Variants in DDHD1 observed in about 807,000 individuals in gnomAD.
DDHD1 encodes the protein phospholipase DDHD1.
DDHD1 carries 49 observed loss-of-function variants against 96.4 expected under a neutral mutation model. That is an observed-to-expected ratio of 0.51 (90% CI 0.40 to 0.64). DDHD1 has a LOEUF of 0.64. Ranked by LOEUF, DDHD1 falls within the 30% of genes least tolerant of loss-of-function variation. The pLI is 0.00. For missense variants in DDHD1, 1,106 were observed against 1,161.2 expected, an observed-to-expected ratio of 0.95 and a Z score of 0.69; for synonymous variants, 442 against 446.5, an observed-to-expected ratio of 0.99 and a Z score of 0.13.
chr14:53,135,658 T>C (rs979498797), intron 1 of DDHD1, among the ~76,000 whole-genome samples: 3 of 152,332 alleles, frequency 2.0e-5, no homozygotes, highest in Admixed American at 6.5e-5. Flanking sequence ...ACATAGGATA[T>C]GTAAGCACTG....
intron 1 of DDHD1, among the ~76,000 whole-genome samples, chr14:53,112,431 G>A (rs953622735): frequency 1.3e-4 from 19 of 150,948 alleles, no homozygotes; most frequent in Non-Finnish European, 2.2e-4. Context: ...AAAAAAAAAA[G>A]TTACACAGTT....
intron 3 of DDHD1, 149 bp from the exon 4 acceptor site, chr14:53,092,081 A>G (rs1886476760): frequency 6.2e-6 from 4 of 649,510 alleles, no homozygotes; most frequent in African/African-American, 1.8e-5. Flanking sequence ...AAGAAGGTAT[A>G]TATTGATCAG....
rs1247457932 is a variant in DDHD1, at chr14:53,039,675, T to C, written c.*7093A>G. ...ATTTAAAGGCAAATGGAATGTAGTT[T>C]GCTGTAACAAAAATATAGTTTGATT... On this transcript the variant is annotated 3_prime_UTR_variant, in exon 13 of 13. Coordinates refer to ENST00000673822, the MANE Select transcript of DDHD1 (RefSeq NM_001160148.2). The C allele has an allele frequency of 6.6e-6, 1 of 152,302 alleles. No individual in the cohort carries two copies. Among genetic ancestry groups the C allele is most frequent in the East Asian group, 1.9e-4 (1 of 5,196 alleles). 9.4% of individuals were successfully genotyped at this position (152,302 alleles called of 1,614,324 possible). A position where few individuals can be genotyped will look rare whatever the true frequency, so the allele number is the denominator to read the frequency against.
At chr14:53,083,551 G>A (rs1885679321) in intron 4 of DDHD1, among the ~76,000 whole-genome samples, 1 of 152,166 alleles carries the variant, frequency 6.6e-6, no homozygotes. Context: ...CTAATCATTA[G>A]CAAGTTTGCT....
At chr14:53,066,498 T>C (rs555750353) in intron 6 of DDHD1, among the ~76,000 whole-genome samples, 2 of 152,300 alleles carry the variant, frequency 1.3e-5, no homozygotes, top group South Asian at 2.1e-4. Flanking sequence ...AAAAAGGCTC[T>C]TTCAAATGCC....
intron 1 of DDHD1, among the ~76,000 whole-genome samples, chr14:53,138,977 C>G (rs561631312): frequency 6.6e-6 from 1 of 151,932 alleles, no homozygotes; most frequent in South Asian, 2.1e-4. Context: ...TTGTCTAGAT[C>G]CTTACTCCCT....
chr14:53,092,955 A>G (rs896350980), intron 3 of DDHD1: 1 of 159,590 alleles, frequency 6.3e-6, no homozygotes, highest in Non-Finnish European at 1.4e-5. Context: ...CTGCCCCATC[A>G]ATCCATCTAA....
intron 4 of DDHD1, among the ~76,000 whole-genome samples, chr14:53,080,366 CA>C (rs202225135): frequency 1.3e-5 from 2 of 149,638 alleles, no homozygotes; most frequent in African/African-American, 4.9e-5. Context: ...CTCCAAAAAA[CA>C]AAAAAAAAGA....
intron 2 of DDHD1, among the ~76,000 whole-genome samples, chr14:53,101,936 C>T (rs2139715974): frequency 6.6e-6 from 1 of 151,770 alleles, no homozygotes; most frequent in East Asian, 1.9e-4. Flanking sequence ...AAGTTCTGAA[C>T]ACAGAATGAG....
intron 9 of DDHD1, among the ~76,000 whole-genome samples, chr14:53,057,234 C>T (rs1187637623): frequency 6.6e-6 from 1 of 151,996 alleles, no homozygotes; most frequent in Non-Finnish European, 1.5e-5. Flanking sequence ...AAAGACTTTC[C>T]ACAATTATAT....
chr14:53,135,463 C>T (rs144304257), intron 1 of DDHD1, among the ~76,000 whole-genome samples: 44 of 152,370 alleles, frequency 2.9e-4, no homozygotes, highest in African/African-American at 1.0e-3. Context: ...CATTTTCAGA[C>T]TCAGCCCAAC....
At chr14:53,093,199 A>G in intron 3 of DDHD1, 117 bp downstream of exon 3, 1 of 1,051,044 alleles carries the variant, frequency 9.5e-7, no homozygotes, top group Non-Finnish European at 1.3e-6. Flanking sequence ...GGAATCTGTC[A>G]CTAAATTTAA....
Position 53,058,555 on chromosome 14 carries a change from A to G in DDHD1, c.1914T>C (p.Asn638=), listed in dbSNP as rs747934423. ...GCAAAATATGGTCTTGACTTCCAGT[A>G]TTTCCTGGGCGGATGCCACGCAACG... ...FLALRGIRPG[N]TGSQDHILPR... The change falls in exon 9 of 13, where the codon AAT becomes AAC. Residue 638 remains asparagine, a synonymous_variant. Transcript: ENST00000673822. 6.2e-7 allele frequency: 1 copy of G among 1,613,776 alleles called. No individual in the cohort carries two copies. The highest frequency in any genetic ancestry group is 8.5e-7 in the Non-Finnish European group (1 of 1,179,874).
intron 1 of DDHD1, among the ~76,000 whole-genome samples, chr14:53,126,106 C>T (rs1223573276): frequency 1.3e-5 from 2 of 152,182 alleles, no homozygotes; most frequent in East Asian, 3.9e-4. Context: ...TCACAAAACA[C>T]AGTCCTTGCA....
chr14:53,058,941 G>A (rs369578994), intron 8 of DDHD1, among the ~76,000 whole-genome samples: 5 of 151,992 alleles, frequency 3.3e-5, no homozygotes, highest in Admixed American at 2.0e-4. Context: ...TAATACACTC[G>A]GTGCTGTGAT....
Position 53,054,505 on chromosome 14 carries a change from T to A in DDHD1, c.2370A>T (p.Ser790=). 6.2e-7 allele frequency: 1 copy of A among 1,613,986 alleles called. No individual in the cohort carries two copies. The highest frequency in any genetic ancestry group is 8.5e-7 in the Non-Finnish European group (1 of 1,179,936). The change falls in exon 11 of 13, where the codon TCA becomes TCT. Residue 790 remains serine, a synonymous_variant. Coordinates refer to ENST00000673822, the MANE Select transcript of DDHD1 (RefSeq NM_001160148.2). Reference sequence around the variant, plus strand: ...GTGTCCCTACGGTGGTAGCAGAAGGTGAGGCAACTGGCTTCTTCTCATCTT... The same window carrying A: ...GTGTCCCTACGGTGGTAGCAGAAGGAGAGGCAACTGGCTTCTTCTCATCTT... ...SMEDEKKPVA[S]PSATTVGTQT... is the part of the protein sequence containing the mutation.
At chr14:53,132,688 C>T (rs1282433434) in intron 1 of DDHD1, among the ~76,000 whole-genome samples, 1 of 152,182 alleles carries the variant, frequency 6.6e-6, no homozygotes, top group Non-Finnish European at 1.5e-5. Flanking sequence ...ACACAAGGAT[C>T]CTCCATTATT....
At chr14:53,076,542 A>T (rs1251049350) in intron 4 of DDHD1, among the ~76,000 whole-genome samples, 3 of 152,208 alleles carry the variant, frequency 2.0e-5, no homozygotes, top group Admixed American at 2.0e-4. Context: ...TATGCCATAA[A>T]CTTAGTTGAT....
intron 8 of DDHD1, among the ~76,000 whole-genome samples, chr14:53,059,472 C>T (rs1488069049): frequency 1.3e-5 from 2 of 151,700 alleles, no homozygotes; most frequent in South Asian, 4.2e-4. Context: ...GTCTCGATCT[C>T]CTGACCTCGT....
Sources: allele counts gnomAD v4.1 joint callset (sites outside exome capture counted in the v4.1 genomes callset), GRCh38; gene constraint gnomAD v4.1.1; transcripts MANE v1.5; gene names NCBI Gene and HGNC (gene_info 2026-07-23, HGNC 2026-07-21).